GPC6: variants seen among roughly 807,000 people sequenced by gnomAD.
GPC6 encodes the protein glypican-6.
A neutral mutation model predicts 55.2 loss-of-function variants in GPC6; 14 were observed. That is an observed-to-expected ratio of 0.25 (90% confidence interval 0.17 to 0.40). The LOEUF (loss-of-function observed/expected upper bound fraction) is 0.40. GPC6 is among the 10% of genes least tolerant of loss of function. GPC6 has a pLI of 1.00. For synonymous variants in GPC6, 278 were observed against 259.6 expected, an observed-to-expected ratio of 1.07 and a Z score of -0.68; for missense variants, 641 against 708.5, an observed-to-expected ratio of 0.90 and a Z score of 1.08.
intron 4 of GPC6, among the ~76,000 whole-genome samples, chr13:94,248,616 C>G (rs963374968): frequency 6.6e-6 from 1 of 151,950 alleles, no homozygotes; most frequent in Non-Finnish European, 1.5e-5. Context: ...ATATAGGACC[C>G]TCTAGTCACC....
chr13:94,363,274 A>T (rs1010386628), intron 6 of GPC6, among the ~76,000 whole-genome samples: 3 of 152,184 alleles, frequency 2.0e-5, no homozygotes, highest in Non-Finnish European at 4.4e-5. Flanking sequence ...ATGCAAACCA[A>T]AAAAAGCTGT....
chr13:93,344,359 G>C (rs16948663), intron 1 of GPC6, among the ~76,000 whole-genome samples: 48,850 of 152,034 alleles, frequency 0.32, 9,058 homozygotes, highest in East Asian at 0.79. Flanking sequence ...CATATCCCAA[G>C]GCAGGCTTTT....
At chr13:93,332,845 A>G (rs752081975) in intron 1 of GPC6, among the ~76,000 whole-genome samples, 1 of 152,142 alleles carries the variant, frequency 6.6e-6, no homozygotes, top group Non-Finnish European at 1.5e-5. Context: ...CTTACACTGA[A>G]GTATTTATTT....
At chr13:94,066,268 C>T (rs1566358678) in intron 4 of GPC6, among the ~76,000 whole-genome samples, 3 of 151,876 alleles carry the variant, frequency 2.0e-5, no homozygotes, top group Admixed American at 1.3e-4. Context: ...AATTATTCAC[C>T]CCATGCTGTT....
intron 1 of GPC6, among the ~76,000 whole-genome samples, chr13:93,420,867 T>G (rs888085804): frequency 1.3e-5 from 2 of 152,054 alleles, no homozygotes; most frequent in African/African-American, 4.8e-5. Flanking sequence ...GGTTCAGTAG[T>G]GTTAAGTCCC....
chr13:94,254,649 A>G (rs867883868), intron 4 of GPC6, among the ~76,000 whole-genome samples: 9 of 152,118 alleles, frequency 5.9e-5, no homozygotes, highest in Admixed American at 2.0e-4. Flanking sequence ...AAAAACTGCT[A>G]TACAAAGCCA....
chr13:94,054,017 A>G (rs1258651272), intron 4 of GPC6, among the ~76,000 whole-genome samples: 4 of 152,142 alleles, frequency 2.6e-5, no homozygotes, highest in Admixed American at 2.0e-4. Flanking sequence ...TGAGAGGAAT[A>G]TGAACACTCT....
intron 4 of GPC6, among the ~76,000 whole-genome samples, chr13:94,279,057 G>T (rs957785869): frequency 2.0e-5 from 3 of 152,072 alleles, no homozygotes; most frequent in Admixed American, 6.5e-5. Flanking sequence ...CTGTGAATCT[G>T]TCTGGTCCTG....
chr13:94,110,296 C>T (rs1199222482), intron 4 of GPC6, among the ~76,000 whole-genome samples: 1 of 151,962 alleles, frequency 6.6e-6, no homozygotes, highest in Non-Finnish European at 1.5e-5. Flanking sequence ...TATAGAAAAC[C>T]ATGACTTCCA....
intron 2 of GPC6, among the ~76,000 whole-genome samples, chr13:93,690,192 G>C (rs1325952690): frequency 2.6e-5 from 4 of 152,058 alleles, no homozygotes; most frequent in African/African-American, 9.7e-5. Flanking sequence ...GCTGGTATTG[G>C]GTTAAGCTGA....
intron 4 of GPC6, among the ~76,000 whole-genome samples, chr13:94,175,986 A>AGAGAGAGAGAGAGAGAGAGAGAGC (rs1555304128): frequency 1.5e-5 from 2 of 131,206 alleles, no homozygotes; most frequent in African/African-American, 2.8e-5. Flanking sequence ...AGAGAGAGAG[A>AGAGAGAGAGAGAGAGAGAGAGAGC]GAGAGAGCGA....
intron 3 of GPC6, among the ~76,000 whole-genome samples, chr13:93,934,698 G>A (rs190212764): frequency 8.6e-5 from 13 of 150,666 alleles, no homozygotes; most frequent in African/African-American, 3.2e-4. Context: ...ATTTAAGGAT[G>A]TAATATGTGA....
chr13:93,773,051 C>T (rs1035601429), intron 2 of GPC6, among the ~76,000 whole-genome samples: 8 of 152,152 alleles, frequency 5.3e-5, no homozygotes, highest in African/African-American at 1.9e-4. Flanking sequence ...TATGACAGGA[C>T]ACTGCTTATC....
chr13:94,215,637 A>G (rs1050617607), intron 4 of GPC6, among the ~76,000 whole-genome samples: 12 of 152,156 alleles, frequency 7.9e-5, no homozygotes, highest in Admixed American at 2.0e-4. Flanking sequence ...CAAGCTTTCA[A>G]TAAGAATTAC....
chr13:94,352,013 C>T (rs1006699691), intron 6 of GPC6, among the ~76,000 whole-genome samples: 6 of 146,462 alleles, frequency 4.1e-5, no homozygotes, highest in Non-Finnish European at 3.0e-5. Context: ...GAAAATAGAA[C>T]GAAGAAGCAG....
intron 5 of GPC6, among the ~76,000 whole-genome samples, chr13:94,294,537 G>C (rs1486368300): frequency 6.6e-6 from 1 of 151,720 alleles, no homozygotes; most frequent in African/African-American, 2.4e-5. Context: ...TGAAAGGAGG[G>C]GTTAATCTAA....
chr13:93,833,123 G>T (rs60478679), intron 3 of GPC6, among the ~76,000 whole-genome samples: 12 of 128,740 alleles, frequency 9.3e-5, no homozygotes, highest in African/African-American at 3.7e-4. Context: ...GAGAGAGAGA[G>T]AGAGAGAGAG....
intron 4 of GPC6, among the ~76,000 whole-genome samples, chr13:94,271,382 G>GCGCACA (rs1491286473): frequency 0.012 from 1,570 of 126,704 alleles, 31 homozygotes; most frequent in African/African-American, 0.043. Context: ...GCGCGCGCGC[G>GCGCACA]CACACACACA....
chr13:93,912,096 T>G (rs908711682), intron 3 of GPC6, among the ~76,000 whole-genome samples: 6 of 152,212 alleles, frequency 3.9e-5, no homozygotes, highest in African/African-American at 1.4e-4. Flanking sequence ...GATTTGTTTG[T>G]TAATTACAAT....
Sources: allele counts gnomAD v4.1 joint callset (sites outside exome capture counted in the v4.1 genomes callset), GRCh38; gene constraint gnomAD v4.1.1; transcripts MANE v1.5; gene names NCBI Gene and HGNC (gene_info 2026-07-23, HGNC 2026-07-21).